The following UVRAG variants were observed in gnomAD, a reference collection of about 807,000 sequenced individuals.
The protein encoded by UVRAG is UV radiation resistance associated, also known as UV radiation resistance-associated gene protein.
UVRAG carries 19 observed loss-of-function variants against 78.0 expected under a neutral mutation model. The observed-to-expected ratio is 0.24, with a 90% confidence interval of 0.17 to 0.36. The LOEUF is 0.36. UVRAG is among the 10% of genes least tolerant of loss of function. UVRAG has a pLI of 1.00. For missense variants in UVRAG, 740 were observed against 853.8 expected, an observed-to-expected ratio of 0.87 and a Z score of 1.66; for synonymous variants, 323 against 324.6, an observed-to-expected ratio of 1.00 and a Z score of 0.05.
At chr11:75,931,731 G>C (rs1173840600) in intron 6 of UVRAG, among the ~76,000 whole-genome samples, 1 of 151,938 alleles carries the variant, frequency 6.6e-6, no homozygotes, top group Non-Finnish European at 1.5e-5. Flanking sequence ...TAGTGATTTG[G>C]CTTTGGACAA....
chr11:75,968,313 ATCTAT>A (rs1245598227), intron 7 of UVRAG, among the ~76,000 whole-genome samples: 1 of 152,192 alleles, frequency 6.6e-6, no homozygotes, highest in Non-Finnish European at 1.5e-5. Flanking sequence ...ATTAAATGTA[ATCTAT>A]TGGCGAAATA....
intron 11 of UVRAG, among the ~76,000 whole-genome samples, chr11:76,011,436 C>A (rs1168100431): frequency 6.6e-6 from 1 of 152,070 alleles, no homozygotes; most frequent in African/African-American, 2.4e-5. Context: ...CCAGCCTGAC[C>A]GATATGGTGA....
intron 8 of UVRAG, among the ~76,000 whole-genome samples, chr11:75,994,713 A>G (rs1400907700): frequency 3.3e-5 from 5 of 152,198 alleles, no homozygotes; most frequent in Non-Finnish European, 7.4e-5. Flanking sequence ...AAATTCAAAC[A>G]TTGGTTTCTC....
chr11:76,091,643 T>C (rs1951699612), intron 13 of UVRAG, among the ~76,000 whole-genome samples: 1 of 152,122 alleles, frequency 6.6e-6, no homozygotes, highest in African/African-American at 2.4e-5. Context: ...ATTTTGGCTT[T>C]CATATTTTTA....
At chr11:75,894,459 A>T (rs1485888795) in intron 5 of UVRAG, among the ~76,000 whole-genome samples, 9 of 152,126 alleles carry the variant, frequency 5.9e-5, no homozygotes, top group Admixed American at 5.9e-4. Context: ...CATTGAGATC[A>T]CTGATTTGTT....
At chr11:76,022,935 AT>A (rs1178160714) in intron 12 of UVRAG, among the ~76,000 whole-genome samples, 1 of 151,060 alleles carries the variant, frequency 6.6e-6, no homozygotes, top group Non-Finnish European at 1.5e-5. Context: ...TATTTTATAG[AT>A]TTTTTATGGT....
Position 75,879,977 on chromosome 11 carries a change from C to G in UVRAG, c.369C>G (p.Asn123Lys). The G allele has an allele frequency of 1.9e-6, 3 of 1,614,154 alleles. No homozygotes were observed. The highest frequency in any genetic ancestry group is 2.5e-6 in the Non-Finnish European group (3 of 1,180,022). ...TGAAGATATGGGGTGGAAAGGAGAA[C>G]ATCTACCAGCTGTTGATTGAATGGA... Reference protein sequence around the residue: ...FVVKIWGGKENIYQLLIEWKV... With the variant: ...FVVKIWGGKEKIYQLLIEWKV... The change falls in exon 4 of 15, where the codon AAC becomes AAG. Residue 123 changes from asparagine to lysine, a missense_variant. Coordinates refer to ENST00000356136, the MANE Select transcript of UVRAG (RefSeq NM_003369.4).
At chr11:76,125,980 C>A (rs183735701) in intron 14 of UVRAG, among the ~76,000 whole-genome samples, 1 of 146,270 alleles carries the variant, frequency 6.8e-6, no homozygotes, top group South Asian at 2.1e-4. Context: ...GACAGAGTCT[C>A]GCTCTGTCAC....
intron 6 of UVRAG, among the ~76,000 whole-genome samples, chr11:75,927,851 T>C (rs1948145462): frequency 6.6e-6 from 1 of 152,206 alleles, no homozygotes; most frequent in Non-Finnish European, 1.5e-5. Flanking sequence ...CAGAATCATG[T>C]AGAGTTTTAT....
chr11:76,102,677 C>A (rs538562842), intron 13 of UVRAG, among the ~76,000 whole-genome samples: 1 of 152,040 alleles, frequency 6.6e-6, no homozygotes, highest in Non-Finnish European at 1.5e-5. Flanking sequence ...TCAGCTTTTG[C>A]CCATTAAGTA....
intron 1 of UVRAG, among the ~76,000 whole-genome samples, chr11:75,837,935 G>GC (rs1245845769): frequency 2.0e-5 from 3 of 152,186 alleles, no homozygotes; most frequent in Admixed American, 2.0e-4. Context: ...AGGGTTGCTT[G>GC]AGCCTGAGAG....
At chr11:76,005,235 C>A (rs1014782472) in intron 9 of UVRAG, among the ~76,000 whole-genome samples, 1 of 151,978 alleles carries the variant, frequency 6.6e-6, no homozygotes, top group Non-Finnish European at 1.5e-5. Flanking sequence ...CCCAGCTACT[C>A]GGGAGGCTGA....
chr11:76,035,060 G>GTGTA (rs575449318), intron 12 of UVRAG, among the ~76,000 whole-genome samples: 23 of 152,296 alleles, frequency 1.5e-4, no homozygotes, highest in African/African-American at 4.6e-4. Context: ...TCTTTTAAAT[G>GTGTA]TGTAGATGAC....
intron 3 of UVRAG, among the ~76,000 whole-genome samples, chr11:75,864,968 A>G (rs1946505497): frequency 6.6e-6 from 1 of 152,182 alleles, no homozygotes; most frequent in African/African-American, 2.4e-5. Context: ...CTCTGACGTC[A>G]AAGGAGACAT....
intron 5 of UVRAG, among the ~76,000 whole-genome samples, chr11:75,901,038 G>A (rs1475683423): frequency 6.6e-6 from 1 of 152,108 alleles, no homozygotes; most frequent in Non-Finnish European, 1.5e-5. Context: ...TCAGAGCCAG[G>A]GGTGTCTAAG....
chr11:75,840,706 T>C (rs1029545890), intron 1 of UVRAG, among the ~76,000 whole-genome samples: 2 of 152,162 alleles, frequency 1.3e-5, no homozygotes, highest in Admixed American at 1.3e-4. Context: ...AACTATGAAG[T>C]GTTTCATGAG....
chr11:76,060,648 C>T (rs567877207), intron 12 of UVRAG, among the ~76,000 whole-genome samples: 31 of 152,342 alleles, frequency 2.0e-4, no homozygotes, highest in African/African-American at 7.0e-4. Flanking sequence ...TTGGCGGCCC[C>T]GCACTCGGAG....
chr11:76,040,904 G>GT (rs937639681), intron 12 of UVRAG, among the ~76,000 whole-genome samples: 1 of 152,084 alleles, frequency 6.6e-6, no homozygotes, highest in Admixed American at 6.6e-5. Context: ...AGAAAACACG[G>GT]TAACAATCAG....
At chr11:75,958,501 C>T (rs150360125) in intron 6 of UVRAG, among the ~76,000 whole-genome samples, 351 of 152,274 alleles carry the variant, frequency 2.3e-3, no homozygotes, top group African/African-American at 8.1e-3. Flanking sequence ...CAAGTTTGAT[C>T]ATGAGATCAC....
Sources: gnomAD v4.1 joint callset for allele counts (sites outside exome capture counted in the v4.1 genomes callset) on GRCh38, gnomAD v4.1.1 for gene constraint, MANE v1.5 for transcripts, NCBI Gene and HGNC (gene_info 2026-07-23, HGNC 2026-07-21) for gene names.